Variants in KDM8 observed in about 807,000 individuals in gnomAD.
KDM8 encodes lysine demethylase 8.
KDM8 carries 35 observed loss-of-function variants against 46.9 expected under a neutral mutation model. The observed-to-expected ratio is 0.75, with a 90% CI of 0.57 to 0.99. The LOEUF is 0.99. Among genes scored for constraint, KDM8 ranks in the 50% least tolerant of loss-of-function variants. The pLI is 0.00. For synonymous variants in KDM8, 232 were observed against 227.7 expected (o/e 1.02, Z -0.17); for missense variants, 475 against 537.0 (o/e 0.88, Z 1.14).
intron 6 of KDM8, among the ~76,000 whole-genome samples, 183 bp downstream of exon 6, chr16:27,219,293 G>A (rs1042223405): frequency 1.3e-5 from 2 of 152,228 alleles, no homozygotes; most frequent in African/African-American, 4.8e-5. Flanking sequence ...CTCTGCAGTC[G>A]GTGCTTCCAG....
In KDM8 at chr16:27,220,397, T is replaced by A. The variant is rs770647480; in HGVS notation, c.998T>A (p.Met333Lys). 3 of 1,613,566 alleles carry A rather than the reference T, an allele frequency of 1.9e-6. No homozygotes were observed. Among genetic ancestry groups the A allele is most frequent in the Non-Finnish European group, 2.5e-6 (3 of 1,179,748 alleles). ...DPQQNFLVQV[M>K]GRKYIRLYSP... Reference sequence around the variant, plus strand: ...TGTCAGGGTCTCTCTCCCCAGGTGATGGGGAGGAAGTACATCCGGCTGTAT... The same window carrying A: ...TGTCAGGGTCTCTCTCCCCAGGTGAAGGGGAGGAAGTACATCCGGCTGTAT... The change falls in exon 7 of 8, where the codon ATG becomes AAG. Residue 333 changes from methionine to lysine, a missense_variant. Physicochemically the swap from Met to Lys is moderately conservative, Grantham distance 95. Coordinates refer to ENST00000286096, the MANE Select transcript of KDM8 (RefSeq NM_024773.3).
intron 5 of KDM8, among the ~76,000 whole-genome samples, chr16:27,218,388 G>A (rs1047139088): frequency 5.3e-5 from 8 of 152,136 alleles, no homozygotes; most frequent in Admixed American, 1.3e-4. Flanking sequence ...TCTGTCAGAG[G>A]CCATGGGGAG....
Position 27,210,301 on chromosome 16 carries a change from A to C in KDM8, c.178A>C (p.Arg60=). 1 of 1,613,320 alleles carries C rather than the reference A, an allele frequency of 6.2e-7. No homozygotes were observed. The highest frequency in any genetic ancestry group is 8.5e-7 in the Non-Finnish European group (1 of 1,180,042). ...QRATELFYEG[R]RDECLQSSEV... is the part of the protein sequence containing the mutation. ...AGCCACTGAGCTCTTCTACGAGGGC[A>C]GGAGGGACGAGTGTCTGCAGAGCAG... Residue 60 remains arginine (R), a synonymous_variant, in exon 2 of 8, where the codon AGG becomes CGG. Transcript: ENST00000286096.
At position 27,217,959 on chromosome 16, in the gene KDM8, G is replaced by T. The variant is rs114192226; in HGVS notation, c.844-1002G>T. ...GAGGTAACTGAGGTGCCTGCTAAGG[G>T]TCTGGACAGGAAGTGGACTTAGAGT... On this transcript the variant is annotated intron_variant, in intron 5 of 7. Coordinates refer to ENST00000286096, the MANE Select transcript of KDM8 (RefSeq NM_024773.3). Among the ~76,000 whole-genome samples the T allele has an allele frequency of 6.8e-3, 1,037 of 152,146 alleles. 15 individuals are homozygous for T. Among genetic ancestry groups the T allele is most frequent in the African/African-American group, 0.024 (1,004 of 41,500 alleles).
At chr16:27,219,509 C>T (rs1421425839) in intron 6 of KDM8, among the ~76,000 whole-genome samples, 2 of 152,208 alleles carry the variant, frequency 1.3e-5, no homozygotes, top group Non-Finnish European at 2.9e-5. Context: ...GAGGCCCAGT[C>T]AGAGGAGCAG....
intron 2 of KDM8, chr16:27,211,422 C>A: frequency 3.1e-6 from 1 of 323,334 alleles, no homozygotes; most frequent in Non-Finnish European, 6.1e-6. Flanking sequence ...CAAAGAGCAC[C>A]CCCAGGAACA....
chr16:27,206,125 C>A, intron 1 of KDM8: 1 of 562,164 alleles, frequency 1.8e-6, no homozygotes, highest in Non-Finnish European at 2.3e-6. Context: ...ATGTAGAGCT[C>A]TCGAAGGCCA....
intron 1 of KDM8, chr16:27,204,533 G>A: frequency 4.3e-6 from 1 of 230,536 alleles, no homozygotes; most frequent in Non-Finnish European, 8.0e-6. Context: ...GAACTGGACC[G>A]CCTGTTCCCA....
intron 5 of KDM8, among the ~76,000 whole-genome samples, chr16:27,218,437 C>T (rs2083579077): frequency 6.6e-6 from 1 of 152,212 alleles, no homozygotes; most frequent in South Asian, 2.1e-4. Context: ...GCTCAGAGCA[C>T]AGACCCAGGC....
In KDM8 at chr16:27,220,620, T is replaced by C. The variant is rs1298296905; in HGVS notation, c.1141T>C (p.Phe381Leu). The C allele has an allele frequency of 6.2e-7, 1 of 1,614,018 alleles. No homozygotes were observed. Among genetic ancestry groups the C allele is most frequent in the African/African-American group, 1.3e-5 (1 of 74,912 alleles). Residue 381 changes from phenylalanine to leucine, a missense_variant, in exon 8 of 8, where the codon TTC becomes CTC. By Grantham distance (22) the Phe-to-Leu change is conservative. Coordinates refer to ENST00000286096, the MANE Select transcript of KDM8 (RefSeq NM_024773.3). ...EKFPKFAKAP[F>L]LSCILSPGEI... ...GTTCCCCAAGTTTGCCAAGGCCCCA[T>C]TCCTGTCCTGCATCCTGTCTCCTGG...
chr16:27,218,911 G>A (rs543316679), intron 5 of KDM8, 50 bp from the exon 6 acceptor site: 39 of 1,610,510 alleles, frequency 2.4e-5, no homozygotes, highest in Admixed American at 1.8e-4. Context: ...TCCGGGCTGC[G>A]GTGTCCCCAG....
intron 1 of KDM8, among the ~76,000 whole-genome samples, chr16:27,206,960 T>C (rs567745472): frequency 6.6e-5 from 10 of 152,216 alleles, no homozygotes; most frequent in African/African-American, 2.4e-4. Flanking sequence ...CAGGAGCCAA[T>C]GTGAGGCTGC....
chr16:27,205,824 A>G (rs1236024634), intron 1 of KDM8, among the ~76,000 whole-genome samples: 3 of 152,200 alleles, frequency 2.0e-5, no homozygotes, highest in East Asian at 3.8e-4. Flanking sequence ...AGTGACAGAA[A>G]GACTCTGTCT....
intron 6 of KDM8, among the ~76,000 whole-genome samples, chr16:27,219,678 G>A (rs1381596505): frequency 6.6e-6 from 1 of 152,236 alleles, no homozygotes; most frequent in East Asian, 1.9e-4. Context: ...GGCTTCGGGA[G>A]CCAGCGTGCC....
At position 27,219,041 on chromosome 16, in the gene KDM8, T is replaced by C. The variant is rs146139095; in HGVS notation, c.924T>C (p.Asn308=). 181 of 1,613,850 alleles carry C rather than the reference T, an allele frequency of 1.1e-4. 1 individual carries two copies. Among genetic ancestry groups the C allele is most frequent in the Non-Finnish European group, 1.5e-4 (173 of 1,179,982 alleles). ...GDGEEEEITI[N]AWFGPQGTIS... Reference sequence around the variant, plus strand: ...GGGAGGAGGAGGAAATCACCATCAATGCCTGGTTTGGTCCCCAGGGAACCA... The same window carrying C: ...GGGAGGAGGAGGAAATCACCATCAACGCCTGGTTTGGTCCCCAGGGAACCA... The change falls in exon 6 of 8, where the codon AAT becomes AAC. Residue 308 remains asparagine, a synonymous_variant. Coordinates refer to ENST00000286096, the MANE Select transcript of KDM8 (RefSeq NM_024773.3).
rs147641961 is a variant in KDM8 at position 27,208,573 on chromosome 16, C to A, written c.-31-1520C>A. 5.3e-3 allele frequency among the ~76,000 whole-genome samples: 802 copies of A among 152,274 alleles called. 7 individuals carry two copies. Among genetic ancestry groups the A allele is most frequent in the African/African-American group, 0.018 (760 of 41,544 alleles). ...GGGCAATAAATGGTCTCCTGGGAGG[C>A]CTTTCCACTGGCCTTTATGAGAAGC... On this transcript the variant is annotated intron_variant, in intron 1 of 7. Transcript: ENST00000286096.
rs1319371781 is a variant in KDM8 at position 27,220,777 on chromosome 16, G to C, written c.*47G>C. ...CCTGACATGCAGACAGCATTCATCT[G>C]TTCACTAATTTCCTGGGTCCTGGAA... On this transcript the variant is annotated 3_prime_UTR_variant, in exon 8 of 8. Transcript: ENST00000286096. The C allele has an allele frequency of 2.5e-6, 4 of 1,602,556 alleles. No homozygotes were observed. Among genetic ancestry groups the C allele is most frequent in the Non-Finnish European group, 3.4e-6 (4 of 1,169,452 alleles).
At chr16:27,211,424 C>T in intron 2 of KDM8, 1 of 323,670 alleles carries the variant, frequency 3.1e-6, no homozygotes, top group South Asian at 2.6e-5. Flanking sequence ...AAGAGCACCC[C>T]CAGGAACAGA....
chr16:27,212,728 G>A (rs1349144748), intron 2 of KDM8, among the ~76,000 whole-genome samples: 1 of 152,014 alleles, frequency 6.6e-6, no homozygotes, highest in Non-Finnish European at 1.5e-5. Context: ...AGCAAGACTC[G>A]GTCTCAATAA....
Sources: gnomAD v4.1 joint callset for allele counts (sites outside exome capture counted in the v4.1 genomes callset) on GRCh38, gnomAD v4.1.1 for gene constraint, MANE v1.5 for transcripts, NCBI Gene and HGNC (gene_info 2026-07-23, HGNC 2026-07-21) for gene names.